Variants in LRRC3C observed in about 807,000 individuals in gnomAD.
The protein encoded by LRRC3C is leucine-rich repeat-containing protein 3C.
LRRC3C carries 11 observed loss-of-function variants against 14.8 expected under a neutral mutation model. That is an observed-to-expected ratio of 0.74 (90% CI 0.47 to 1.23). LRRC3C has a LOEUF of 1.23. Ranked by LOEUF, LRRC3C falls within the 50% of genes most tolerant of loss-of-function variation. The pLI, the probability that LRRC3C is intolerant of heterozygous loss-of-function variation, is 0.00. For missense variants in LRRC3C, 354 were observed against 361.8 expected, an observed-to-expected ratio of 0.98 and a Z score of 0.18; for synonymous variants, 149 against 161.5, an observed-to-expected ratio of 0.92 and a Z score of 0.59.
intron 1 of LRRC3C, among the ~76,000 whole-genome samples, chr17:39,930,581 G>A (rs972860953): frequency 2.7e-5 from 4 of 150,526 alleles, no homozygotes; most frequent in Admixed American, 6.6e-5. Context: ...GGTGATGGGC[G>A]CCTGTAATCC....
intron 3 of LRRC3C, among the ~76,000 whole-genome samples, chr17:39,943,017 T>C (rs1258745661): frequency 1.3e-5 from 2 of 152,122 alleles, no homozygotes; most frequent in African/African-American, 4.8e-5. Flanking sequence ...GGGAGCCTGG[T>C]GCAGGGAATG....
In LRRC3C at chr17:39,944,723, A is replaced by C; in HGVS notation, c.817A>C (p.Thr273Pro). The C allele has an allele frequency of 6.5e-7, 1 of 1,535,804 alleles. No homozygotes were observed. Among genetic ancestry groups the C allele is most frequent in the Non-Finnish European group, 8.7e-7 (1 of 1,146,814 alleles). The change falls in exon 4 of 4, where the codon ACA (threonine) becomes CCA (proline). Residue 273 changes from threonine (T) to proline (P), a missense_variant. Physicochemically the swap from Thr to Pro is conservative, Grantham distance 38. Coordinates refer to ENST00000377924, the MANE Select transcript of LRRC3C (RefSeq NM_001195545.2). ...VRSEDSSILSTVV is the reference protein window; with the variant it reads ...VRSEDSSILSPVV The stretch of plus-strand genomic sequence containing the variant: ...TTCCGAGGACTCCTCCATCCTCAGC[A>C]CAGTGGTCTGATGACCCAGGATGCT...
intron 2 of LRRC3C, chr17:39,939,223 C>A (rs1255230927): frequency 6.7e-6 from 2 of 300,550 alleles, no homozygotes; most frequent in African/African-American, 2.3e-5. Context: ...CAGGTTGAAT[C>A]ATCAAGGACT....
intron 2 of LRRC3C, chr17:39,939,433 C>T: frequency 1.0e-6 from 1 of 984,310 alleles, no homozygotes; most frequent in Non-Finnish European, 1.2e-6. Context: ...TCAACTCAGG[C>T]TGCTCGTTAG....
Position 39,944,780 on chromosome 17 carries a change from T to C in LRRC3C, c.*46T>C, listed in dbSNP as rs1046655361. The C allele has an allele frequency of 4.0e-6, 6 of 1,512,522 alleles. No individual in the cohort carries two copies. The African/African-American group carries it at 8.3e-5, about 21-fold the overall frequency. The allele number at this position is 1,512,522 out of a possible 1,614,324, so 93.7% of individuals were successfully genotyped here. A position where few individuals can be genotyped will look rare whatever the true frequency, so the allele number is the denominator to read the frequency against. ...GCCACACCCCACACTCCTGCCCCTA[T>C]GCCCTCTCCTTTGCTCTGACCCCCT... is the stretch of plus-strand genomic sequence containing the variant. On this transcript the variant is annotated 3_prime_UTR_variant, in exon 4 of 4. Transcript: ENST00000377924.
chr17:39,933,534 A>T (rs950031864), intron 1 of LRRC3C, among the ~76,000 whole-genome samples: 4 of 152,156 alleles, frequency 2.6e-5, no homozygotes, highest in Admixed American at 6.5e-5. Context: ...GGAGATCGAG[A>T]CCATCCTGGC....
Position 39,944,697 on chromosome 17 carries a change from G to T in LRRC3C, c.791G>T (p.Arg264Leu). The T allele has an allele frequency of 6.5e-7, 1 of 1,535,934 alleles. No individual in the cohort carries two copies. The highest frequency in any genetic ancestry group is 8.7e-7 in the Non-Finnish European group (1 of 1,146,874). ...SLKRAPVLPVRSEDSSILSTV... is the reference protein window; with the variant it reads ...SLKRAPVLPVLSEDSSILSTV... ...AAGCGGGCCCCAGTGCTGCCCGTGC[G>T]TTCCGAGGACTCCTCCATCCTCAGC... The change falls in exon 4 of 4, where the codon CGT becomes CTT. Residue 264 changes from arginine (R) to leucine (L), a missense_variant. Coordinates refer to ENST00000377924, the MANE Select transcript of LRRC3C (RefSeq NM_001195545.2).
chr17:39,933,614 T>C (rs1048012040), intron 1 of LRRC3C, among the ~76,000 whole-genome samples: 1 of 152,042 alleles, frequency 6.6e-6, no homozygotes, highest in South Asian at 2.1e-4. Flanking sequence ...GCGCCTGTAA[T>C]CCCAGCTACT....
intron 3 of LRRC3C, among the ~76,000 whole-genome samples, chr17:39,943,365 G>A (rs111567315): frequency 9.2e-5 from 14 of 152,316 alleles, no homozygotes; most frequent in African/African-American, 1.9e-4. Context: ...AGAGAGGACA[G>A]AGCTGGGGCA....
intron 1 of LRRC3C, among the ~76,000 whole-genome samples, chr17:39,935,315 T>C (rs1978767020): frequency 6.6e-6 from 1 of 151,788 alleles, no homozygotes; most frequent in South Asian, 2.1e-4. Context: ...CGGTGCAGCC[T>C]TCCCCAGTGT....
chr17:39,941,372 G>T, intron 2 of LRRC3C, 71 bp from the exon 3 acceptor site: 4 of 403,102 alleles, frequency 9.9e-6, no homozygotes, highest in Non-Finnish European at 1.8e-5. Flanking sequence ...AAAAAAAAAG[G>T]AAGAAATTCT....
At chr17:39,940,001 A>G (rs561590643) in intron 2 of LRRC3C, among the ~76,000 whole-genome samples, 18 of 152,348 alleles carry the variant, frequency 1.2e-4, no homozygotes, top group African/African-American at 4.3e-4. Context: ...ACAGGGGGAA[A>G]GGGAGGATTG....
At chr17:39,937,086 G>A (rs12603481) in intron 2 of LRRC3C, among the ~76,000 whole-genome samples, 68,898 of 151,444 alleles carry the variant, frequency 0.45, 15,759 homozygotes, top group East Asian at 0.56. Flanking sequence ...GCAGTGAGCC[G>A]AGATCAAGCC....
chr17:39,938,291 T>TG (rs2144763838), intron 2 of LRRC3C, among the ~76,000 whole-genome samples: 1 of 152,294 alleles, frequency 6.6e-6, no homozygotes, highest in Admixed American at 6.5e-5. Flanking sequence ...AGGTGGCAGT[T>TG]GCTGGTGTTG....
intron 1 of LRRC3C, 112 bp from the exon 2 acceptor site, chr17:39,935,690 T>C (rs927916106): frequency 1.0e-5 from 4 of 391,032 alleles, no homozygotes; most frequent in African/African-American, 8.8e-5. Context: ...CCCCAATGCC[T>C]AAGAGGCCCT....
intron 2 of LRRC3C, among the ~76,000 whole-genome samples, chr17:39,939,053 G>C (rs1978874240): frequency 6.6e-6 from 1 of 151,496 alleles, no homozygotes; most frequent in Non-Finnish European, 1.5e-5. Context: ...GAGAGGAGCA[G>C]AGCCCAGCCC....
Position 39,944,724 on chromosome 17 carries a change from C to T in LRRC3C, c.818C>T (p.Thr273Ile). The T allele has an allele frequency of 1.3e-6, 2 of 1,535,974 alleles. No individual in the cohort carries two copies. Among genetic ancestry groups the T allele is most frequent in the Non-Finnish European group, 1.7e-6 (2 of 1,146,850 alleles). The change falls in exon 4 of 4, where the codon ACA (threonine) becomes ATA (isoleucine). Residue 273 changes from threonine (T) to isoleucine (I), a missense_variant. Physicochemically the swap from Thr to Ile is moderately conservative, Grantham distance 89 (BLOSUM62 -1). Coordinates refer to ENST00000377924, the MANE Select transcript of LRRC3C (RefSeq NM_001195545.2). The part of the protein sequence containing the change: ...VRSEDSSILS[T>I]VV ...TCCGAGGACTCCTCCATCCTCAGCA[C>T]AGTGGTCTGATGACCCAGGATGCTC...
At chr17:39,936,026 G>A in intron 2 of LRRC3C, 132 bp downstream of exon 2, 2 of 307,172 alleles carry the variant, frequency 6.5e-6, no homozygotes, top group Non-Finnish European at 9.5e-6. Flanking sequence ...GGGGATGGAG[G>A]CCTGCTGAAC....
At chr17:39,934,073 C>T (rs1269243495) in intron 1 of LRRC3C, among the ~76,000 whole-genome samples, 2 of 152,194 alleles carry the variant, frequency 1.3e-5, no homozygotes, top group Non-Finnish European at 2.9e-5. Context: ...GCATCGCCAG[C>T]GGGCACTCTG....
Sources: allele counts gnomAD v4.1 joint callset (sites outside exome capture counted in the v4.1 genomes callset), GRCh38; gene constraint gnomAD v4.1.1; transcripts MANE v1.5; gene names NCBI Gene and HGNC (gene_info 2026-07-23, HGNC 2026-07-21).